Variants in NFATC1 observed in about 807,000 individuals in gnomAD.
NFATC1 encodes the protein nuclear factor of activated T cells 1, also known as nuclear factor of activated T-cells, cytoplasmic 1.
Under a neutral mutation model 76.0 loss-of-function variants are expected in NFATC1, and 22 were observed. That is an observed-to-expected ratio of 0.29 (90% CI 0.21 to 0.41). The LOEUF (loss-of-function observed/expected upper bound fraction) is 0.41, where lower values mean the gene tolerates loss of function less well. Ranked by LOEUF, NFATC1 falls within the 10% of genes least tolerant of loss-of-function variation. The pLI, the probability that NFATC1 is intolerant of heterozygous loss-of-function variation, is 1.00. For missense variants in NFATC1, 1,357 were observed against 1,337.7 expected, an observed-to-expected ratio of 1.01 and a Z score of -0.23; for synonymous variants, 704 against 613.1, an observed-to-expected ratio of 1.15 and a Z score of -2.19.
At position 79,396,311 on chromosome 18, in the gene NFATC1, C is replaced by A. The variant is rs752600120; in HGVS notation, c.87C>A (p.Pro29=). The change falls in exon 1 of 10, where the codon CCC becomes CCA. Residue 29 remains proline, a synonymous_variant. Coordinates refer to ENST00000427363, the MANE Select transcript of NFATC1 (RefSeq NM_001278669.2). ...AVFGRGETLG[P]APRAGGTMKS... ...TCGGGAGAGGAGAAACTTTGGGGCC[C>A]GCGCCGCGCGCCGGCGGCACCATGA... 1 of 1,421,796 alleles carries A rather than the reference C, an allele frequency of 7.0e-7. No homozygotes were observed. The highest frequency in any genetic ancestry group is 2.4e-5 in the Admixed American group (1 of 41,594). 88.1% of individuals were successfully genotyped at this position (1,421,796 alleles called of 1,614,324 possible). A position where few individuals can be genotyped will look rare whatever the true frequency, so the allele number is the denominator to read the frequency against.
intron 2 of NFATC1, among the ~76,000 whole-genome samples, chr18:79,424,563 C>T (rs965817969): frequency 6.6e-6 from 1 of 151,762 alleles, no homozygotes; most frequent in Non-Finnish European, 1.5e-5. Context: ...CTGTCTCTCT[C>T]TGTCTCTGTC....
intron 9 of NFATC1, among the ~76,000 whole-genome samples, chr18:79,494,083 G>T (rs1044016219): frequency 1.1e-4 from 17 of 152,232 alleles, no homozygotes; most frequent in Non-Finnish European, 2.2e-4. Flanking sequence ...AAACCTGTGC[G>T]CCAGGCAGCG....
chr18:79,513,291 G>A lies in NFATC1; in HGVS notation c.2783-14237G>A, dbSNP rs115827254. On this transcript the variant is annotated intron_variant, in intron 9 of 9. Transcript: ENST00000427363. ...TCTGCAGGGAGATGACCTGCTTCCC[G>A]TGGCAGAGGGCACCTTGGCCTCCGC... is the stretch of plus-strand genomic sequence containing the variant. Among the ~76,000 whole-genome samples, 740 of 152,238 alleles carry A rather than the reference G, an allele frequency of 4.9e-3. 6 individuals carry two copies. Among genetic ancestry groups the A allele is most frequent in the African/African-American group, 0.017 (700 of 41,554 alleles).
chr18:79,528,027 A>G lies in NFATC1; in HGVS notation c.*450A>G. The G allele has an allele frequency of 2.4e-6, 1 of 412,082 alleles. No homozygotes were observed. Among genetic ancestry groups the G allele is most frequent in the Non-Finnish European group, 4.3e-6 (1 of 233,424 alleles). The allele number at this position is 412,082 out of a possible 1,614,324, so 25.5% of individuals were successfully genotyped here. A position where few individuals can be genotyped will look rare whatever the true frequency, so the allele number is the denominator to read the frequency against. On this transcript the variant is annotated 3_prime_UTR_variant, in exon 10 of 10. Transcript: ENST00000427363. Reference sequence around the variant, plus strand: ...GGAGCAGAAACTGCAAACACATTTCATTGTGAGGTTTTACCCTCTGTATGA... The same window carrying G: ...GGAGCAGAAACTGCAAACACATTTCGTTGTGAGGTTTTACCCTCTGTATGA...
At chr18:79,507,919 G>GGGCTCCCCGCAGCCGCA (rs1212429122) in intron 9 of NFATC1, among the ~76,000 whole-genome samples, 1 of 152,232 alleles carries the variant, frequency 6.6e-6, no homozygotes, top group East Asian at 1.9e-4. Flanking sequence ...CGCTCTGGCC[G>GGGCTCCCCGCAGCCGCA]GGCTCCCCGC....
intron 2 of NFATC1, among the ~76,000 whole-genome samples, chr18:79,428,002 CG>C (rs1271896021): frequency 8.8e-6 from 1 of 114,136 alleles, no homozygotes; most frequent in Non-Finnish European, 1.7e-5. Context: ...TCTATGTAGT[CG>C]GGGAGGCTGG....
chr18:79,427,429 TG>T (rs1304893357), intron 2 of NFATC1, among the ~76,000 whole-genome samples: 7 of 16,562 alleles, frequency 4.2e-4, no homozygotes, highest in African/African-American at 5.5e-4. Context: ...GTGCGGTGGG[TG>T]GGGGGGAGCT....
At chr18:79,464,698 A>ATATATATATATAT (rs1329123171) in intron 7 of NFATC1, among the ~76,000 whole-genome samples, 62 of 94,772 alleles carry the variant, frequency 6.5e-4, no homozygotes, top group Non-Finnish European at 8.5e-4. Flanking sequence ...ATATATATTT[A>ATATATATATATAT]TTTATTTATT....
chr18:79,504,212 G>C (rs566184800), intron 9 of NFATC1, among the ~76,000 whole-genome samples: 179 of 152,338 alleles, frequency 1.2e-3, no homozygotes, highest in Non-Finnish European at 1.3e-3. Flanking sequence ...AGGCTGAGCT[G>C]TCAGCCTGTC....
chr18:79,444,945 C>T (rs985075978), intron 3 of NFATC1, among the ~76,000 whole-genome samples: 1 of 152,148 alleles, frequency 6.6e-6, no homozygotes, highest in African/African-American at 2.4e-5. Flanking sequence ...CCCCAGAGCC[C>T]GAAGCCCCGG....
chr18:79,441,507 G>T (rs1393547202), intron 3 of NFATC1, among the ~76,000 whole-genome samples: 1 of 152,156 alleles, frequency 6.6e-6, no homozygotes, highest in Admixed American at 6.5e-5. Context: ...CGGTCCTCAG[G>T]CCACCCTGCC....
intron 9 of NFATC1, among the ~76,000 whole-genome samples, chr18:79,516,465 C>T (rs1017365364): frequency 6.6e-6 from 1 of 152,180 alleles, no homozygotes; most frequent in Non-Finnish European, 1.5e-5. Context: ...AGAGACGCTG[C>T]GACCCTGCGT....
intron 3 of NFATC1, chr18:79,448,580 T>C (rs918288174): frequency 5.0e-6 from 3 of 604,620 alleles, no homozygotes; most frequent in Admixed American, 3.1e-5. Context: ...AGCCTAAAAC[T>C]CAGTGCCCAG....
Position 79,433,750 on chromosome 18 carries a change from G to T in NFATC1, c.1386+12G>T. 6.2e-7 allele frequency: 1 copy of T among 1,605,450 alleles called. No individual in the cohort carries two copies. The highest frequency in any genetic ancestry group is 8.5e-7 in the Non-Finnish European group (1 of 1,176,282). On this transcript the variant is annotated intron_variant, in intron 3 of 9. Transcript: ENST00000427363. ...ACCCCATCGTGCAGGTAGGCACTGC[G>T]GCCAGACTCGCACGTCACTTGGTGC... is the stretch of plus-strand genomic sequence containing the variant.
chr18:79,437,467 G>A (rs1160258555), intron 3 of NFATC1, among the ~76,000 whole-genome samples: 1 of 152,108 alleles, frequency 6.6e-6, no homozygotes, highest in East Asian at 1.9e-4. Context: ...AGTTCTCGGT[G>A]GGCCGGTCTG....
Position 79,521,882 on chromosome 18 carries a change from G to T in NFATC1, c.2783-5646G>T, listed in dbSNP as rs1378280476. On this transcript the variant is annotated intron_variant, in intron 9 of 9. Coordinates refer to ENST00000427363, the MANE Select transcript of NFATC1 (RefSeq NM_001278669.2). ...GCTGATGTGTGTGTCTGTGTGTGTG[G>T]GGGGGGCATCCACTGATGTGTATGT... Among the ~76,000 whole-genome samples, 287 of 62,236 alleles carry T rather than the reference G, an allele frequency of 4.6e-3. 1 individual carries two copies. Among genetic ancestry groups the T allele is most frequent in the African/African-American group, 0.015 (241 of 15,854 alleles). The allele number at this position is 62,236 out of a possible 152,430, so 40.8% of individuals were successfully genotyped here. A position where few individuals can be genotyped will look rare whatever the true frequency, so the allele number is the denominator to read the frequency against.
intron 8 of NFATC1, among the ~76,000 whole-genome samples, chr18:79,472,355 A>G (rs2088821711): frequency 6.6e-6 from 1 of 152,148 alleles, no homozygotes; most frequent in African/African-American, 2.4e-5. Flanking sequence ...GCACCCCACA[A>G]GGGATCCGCC....
At chr18:79,499,216 G>A (rs941727872) in intron 9 of NFATC1, among the ~76,000 whole-genome samples, 4 of 152,222 alleles carry the variant, frequency 2.6e-5, no homozygotes, top group Non-Finnish European at 4.4e-5. Flanking sequence ...AAGGGGTGGG[G>A]AAGGAAGTTA....
intron 2 of NFATC1, among the ~76,000 whole-genome samples, chr18:79,429,582 C>T (rs1272044343): frequency 1.3e-5 from 2 of 152,120 alleles, no homozygotes; most frequent in Non-Finnish European, 2.9e-5. Flanking sequence ...GAAGGAAGCA[C>T]GCGGAGTGGA....
Sources: gnomAD v4.1 joint callset for allele counts (sites outside exome capture counted in the v4.1 genomes callset) on GRCh38, gnomAD v4.1.1 for gene constraint, MANE v1.5 for transcripts, NCBI Gene and HGNC (gene_info 2026-07-23, HGNC 2026-07-21) for gene names.